Variants in BTBD9 observed in about 807,000 individuals in gnomAD.
BTBD9 encodes the protein BTB domain containing 9.
Under a neutral mutation model 64.3 loss-of-function variants are expected in BTBD9, and 49 were observed. The ratio of observed to expected loss-of-function variants is 0.76; its 90% CI spans 0.61 to 0.97. The LOEUF (loss-of-function observed/expected upper bound fraction) is 0.97. BTBD9 is among the 50% of genes least tolerant of loss of function. The probability of loss-of-function intolerance (pLI) is 0.00; values close to 1 mark genes in which losing one functional copy is unlikely to be tolerated. For missense variants in BTBD9, 598 were observed against 762.1 expected (o/e 0.78, Z 2.53); for synonymous variants, 260 against 274.7 (o/e 0.95, Z 0.53).
chr6:38,407,958 T>C (rs1343651473), intron 6 of BTBD9, among the ~76,000 whole-genome samples: 3 of 152,232 alleles, frequency 2.0e-5, no homozygotes, highest in African/African-American at 4.8e-5. Context: ...GCTTTCTTTT[T>C]GGAGATAATT....
intron 7 of BTBD9, among the ~76,000 whole-genome samples, chr6:38,323,367 A>C (rs1020967532): frequency 6.6e-6 from 1 of 152,204 alleles, no homozygotes; most frequent in Non-Finnish European, 1.5e-5. Context: ...AGCCATAAAA[A>C]TCAAACAGAT....
At chr6:38,329,959 A>G (rs1223958145) in intron 7 of BTBD9, among the ~76,000 whole-genome samples, 3 of 152,174 alleles carry the variant, frequency 2.0e-5, no homozygotes, top group African/African-American at 7.2e-5. Context: ...ATCTCAAAAA[A>G]AAGAAGATAC....
intron 7 of BTBD9, among the ~76,000 whole-genome samples, chr6:38,312,374 T>C (rs1388461386): frequency 6.6e-6 from 1 of 152,198 alleles, no homozygotes; most frequent in African/African-American, 2.4e-5. Flanking sequence ...TCTTTGCTAA[T>C]TGTTTCTTTT....
At chr6:38,449,992 A>G (rs956421430) in intron 6 of BTBD9, among the ~76,000 whole-genome samples, 1 of 152,228 alleles carries the variant, frequency 6.6e-6, no homozygotes, top group African/African-American at 2.4e-5. Flanking sequence ...AGCACTATTC[A>G]TAACAGTCAA....
intron 6 of BTBD9, among the ~76,000 whole-genome samples, chr6:38,367,799 CAAAAAAAAAAAAAAA>C (rs575025737): frequency 2.1e-4 from 18 of 84,292 alleles, no homozygotes; most frequent in South Asian, 5.3e-4. Flanking sequence ...CCAGAAATGG[CAAAAAAAAAAAAAAA>C]AAAAAAAAAA....
intron 6 of BTBD9, among the ~76,000 whole-genome samples, chr6:38,484,142 C>A (rs1771291042): frequency 6.6e-6 from 1 of 152,156 alleles, no homozygotes; most frequent in Admixed American, 6.5e-5. Flanking sequence ...GTGTTCAGCT[C>A]TTTGCTCTTC....
chr6:38,407,471 G>A (rs1021552062), intron 6 of BTBD9, among the ~76,000 whole-genome samples: 7 of 152,014 alleles, frequency 4.6e-5, no homozygotes, highest in East Asian at 3.9e-4. Context: ...GGCTATGCCC[G>A]GATCAGGACG....
At chr6:38,563,874 C>T (rs757259633) in intron 6 of BTBD9, among the ~76,000 whole-genome samples, 16 of 151,640 alleles carry the variant, frequency 1.1e-4, no homozygotes, top group Non-Finnish European at 2.4e-4. Flanking sequence ...CTCCGCCTCC[C>T]GGTTCCATGC....
At chr6:38,457,845 A>C (rs1769889898) in intron 6 of BTBD9, among the ~76,000 whole-genome samples, 1 of 152,208 alleles carries the variant, frequency 6.6e-6, no homozygotes, top group Non-Finnish European at 1.5e-5. Flanking sequence ...CTGGTCTGTT[A>C]GTTCTTCGGA....
intron 6 of BTBD9, among the ~76,000 whole-genome samples, chr6:38,456,537 G>T (rs1222272597): frequency 1.3e-5 from 2 of 152,132 alleles, no homozygotes; most frequent in African/African-American, 4.8e-5. Flanking sequence ...CATTCTATTA[G>T]CTGGGTAATA....
At chr6:38,511,518 T>C (rs1772775521) in intron 6 of BTBD9, among the ~76,000 whole-genome samples, 1 of 151,894 alleles carries the variant, frequency 6.6e-6, no homozygotes, top group Non-Finnish European at 1.5e-5. Flanking sequence ...AATTATTTTA[T>C]TTTTTGTAGA....
rs747388347 is a variant in BTBD9, at chr6:38,420,855, AAATAAT to A, written c.1155-75768_1155-75763del. On this transcript the variant is annotated intron_variant, in intron 6 of 10. Transcript: ENST00000481247. ...TGGCAACAGAGTGAGACTCCGTCTCAAATAATAATAATAATAACATCCTAGAATAAC... is the reference window on the plus strand; with the variant it reads ...TGGCAACAGAGTGAGACTCCGTCTCAAATAATAATAACATCCTAGAATAAC... Among the ~76,000 whole-genome samples the A allele has an allele frequency of 2.6e-5, 4 of 152,086 alleles. No homozygotes were observed. In the East Asian group the frequency reaches 7.7e-4, roughly 29 times the overall value.
At position 38,408,793 on chromosome 6, in the gene BTBD9, G is replaced by A. The variant is rs765313202; in HGVS notation, c.1155-63700C>T. Among the ~76,000 whole-genome samples the A allele has an allele frequency of 1.5e-4, 23 of 152,098 alleles. 1 individual carries two copies. The highest frequency in any genetic ancestry group is 7.4e-5 in the Non-Finnish European group (5 of 68,014). On this transcript the variant is annotated intron_variant, in intron 6 of 10. Transcript: ENST00000481247. The stretch of plus-strand genomic sequence containing the variant: ...ATTTTGTCTTTACCCCTCTTTGTCC[G>A]AAAAACTAAGGCTAAAAGCAGTAGC...
chr6:38,339,771 A>C (rs944665519), intron 7 of BTBD9, among the ~76,000 whole-genome samples: 5 of 152,212 alleles, frequency 3.3e-5, no homozygotes, highest in Non-Finnish European at 7.3e-5. Flanking sequence ...CATAGTTAGG[A>C]AACAAAAGTC....
At chr6:38,285,592 C>T (rs558495574) in intron 8 of BTBD9, among the ~76,000 whole-genome samples, 45 of 152,246 alleles carry the variant, frequency 3.0e-4, no homozygotes, top group African/African-American at 1.1e-3. Context: ...GTGGGCAGAG[C>T]TACTAAACTT....
intron 6 of BTBD9, among the ~76,000 whole-genome samples, chr6:38,377,292 A>C (rs1202213164): frequency 6.6e-6 from 1 of 152,212 alleles, no homozygotes; most frequent in Non-Finnish European, 1.5e-5. Context: ...TGTCGGTCAC[A>C]GCAAGGAAGC....
intron 6 of BTBD9, among the ~76,000 whole-genome samples, chr6:38,426,359 A>T (rs1187557838): frequency 1.3e-5 from 2 of 151,994 alleles, no homozygotes; most frequent in East Asian, 3.8e-4. Context: ...AGGGACAAGG[A>T]TCGGGATATA....
intron 6 of BTBD9, among the ~76,000 whole-genome samples, chr6:38,490,406 C>G (rs62398560): frequency 6.6e-6 from 1 of 152,030 alleles, no homozygotes; most frequent in Non-Finnish European, 1.5e-5. Context: ...CTGCAACCTC[C>G]GCCTCCCAGG....
At chr6:38,378,888 A>AG (rs1765805333) in intron 6 of BTBD9, among the ~76,000 whole-genome samples, 1 of 146,554 alleles carries the variant, frequency 6.8e-6, no homozygotes, top group South Asian at 2.2e-4. Context: ...AAAAAAAAAA[A>AG]GAAAAAAAAG....
Sources: gnomAD v4.1 joint callset for allele counts (sites outside exome capture counted in the v4.1 genomes callset) on GRCh38, gnomAD v4.1.1 for gene constraint, MANE v1.5 for transcripts, NCBI Gene and HGNC (gene_info 2026-07-23, HGNC 2026-07-21) for gene names.